The following CNIH3 variants were observed in gnomAD, a reference collection of about 807,000 sequenced individuals.
CNIH3 encodes protein cornichon homolog 3.
CNIH3 carries 14 observed loss-of-function variants against 24.1 expected under a neutral mutation model. The ratio of observed to expected loss-of-function variants is 0.58; its 90% CI spans 0.38 to 0.91. The LOEUF (loss-of-function observed/expected upper bound fraction) is 0.91. Among genes scored for constraint, CNIH3 ranks in the 40% least tolerant of loss-of-function variants. CNIH3 has a pLI of 0.00. For missense variants in CNIH3, 178 were observed against 196.8 expected, an observed-to-expected ratio of 0.90 and a Z score of 0.57; for synonymous variants, 68 against 73.8, an observed-to-expected ratio of 0.92 and a Z score of 0.40.
At chr1:224,569,175 CT>C (rs755542449) in intron 4 of CNIH3, among the ~76,000 whole-genome samples, 5 of 152,258 alleles carry the variant, frequency 3.3e-5, no homozygotes, top group Middle Eastern at 3.4e-3. Flanking sequence ...GCCTTGTTCA[CT>C]TTTTTTCTAA....
Position 224,684,073 on chromosome 1 carries a change from G to A in CNIH3, c.151-723G>A, listed in dbSNP as rs1476069938. Among the ~76,000 whole-genome samples, 1 of 152,180 alleles carries A rather than the reference G, an allele frequency of 6.6e-6. No individual in the cohort carries two copies. Among genetic ancestry groups the A allele is most frequent in the East Asian group, 1.9e-4 (1 of 5,188 alleles). ...CAAATTGCCTCAGTAATGAAGCACC[G>A]GGAGATGCCACAGCTGTGTTCAGTG... On this transcript the variant is annotated intron_variant, in intron 2 of 5. Transcript: ENST00000272133. This position sits in a 1 kb window ranked among gnomAD's most constrained non-coding sequence, Gnocchi z 4.2.
chr1:224,731,896 T>C (rs930517212), intron 4 of CNIH3, among the ~76,000 whole-genome samples: 1 of 152,306 alleles, frequency 6.6e-6, no homozygotes, highest in African/African-American at 2.4e-5. Flanking sequence ...GTAGGGTTCT[T>C]GGAGGGAAAT....
chr1:224,726,120 A>G (rs112874693), intron 3 of CNIH3, among the ~76,000 whole-genome samples: 20 of 152,362 alleles, frequency 1.3e-4, no homozygotes, highest in African/African-American at 3.6e-4. Context: ...TGAGCATGGC[A>G]TATACTGCTC....
chr1:224,600,581 T>C (rs1401046693), intron 3 of CNIH3, among the ~76,000 whole-genome samples: 1 of 152,134 alleles, frequency 6.6e-6, no homozygotes, highest in Non-Finnish European at 1.5e-5. Context: ...ACAATCATAG[T>C]GCACTGCAGC....
At chr1:224,688,588 C>T (rs1686773145) in intron 3 of CNIH3, among the ~76,000 whole-genome samples, 1 of 152,166 alleles carries the variant, frequency 6.6e-6, no homozygotes, top group Non-Finnish European at 1.5e-5. Flanking sequence ...AGTCAATAAT[C>T]TTTCCATTTC....
rs550609835 is a variant in CNIH3 at position 224,601,127 on chromosome 1, C to T, written n.402+34863C>T. ...AAAGTACACTTGGAAGAGGCCCAAG[C>T]GAACAACTTGAGAGATTCAAGTGCG... On this transcript the variant is annotated intron_variant and non_coding_transcript_variant, in intron 3 of 7. Transcript: ENST00000478120. Among the ~76,000 whole-genome samples the T allele has an allele frequency of 3.4e-4, 52 of 152,288 alleles. 1 individual carries two copies. Among genetic ancestry groups the T allele is most frequent in the Admixed American group, 3.3e-3 (50 of 15,296 alleles).
At chr1:224,592,797 G>A (rs1331027090), downstream of CNIH3, among the ~76,000 whole-genome samples, 4 of 152,180 alleles carry the variant, frequency 2.6e-5, no homozygotes, top group African/African-American at 9.7e-5. Flanking sequence ...CACAGGTTCT[G>A]AGTAGGACGA....
At chr1:224,575,093 G>A (rs762110614) in intron 4 of CNIH3, 1 of 878,354 alleles carries the variant, frequency 1.1e-6, no homozygotes, top group African/African-American at 1.6e-5. Context: ...CCCCCGACAG[G>A]CCCTGGGCCA....
intron 2 of CNIH3, among the ~76,000 whole-genome samples, chr1:224,681,915 G>A (rs917904717): frequency 3.9e-5 from 6 of 152,112 alleles, no homozygotes; most frequent in African/African-American, 1.4e-4. Context: ...TTCCTTCCAG[G>A]CCATGGTTTC....
intron 1 of CNIH3, among the ~76,000 whole-genome samples, chr1:224,492,314 T>C (rs985504684): frequency 7.2e-5 from 11 of 152,240 alleles, no homozygotes; most frequent in African/African-American, 2.7e-4. Flanking sequence ...GTGTAGGCAT[T>C]CCTCCCCAAC....
chr1:224,554,898 C>T (rs567109449), intron 3 of CNIH3, among the ~76,000 whole-genome samples: 1 of 152,292 alleles, frequency 6.6e-6, no homozygotes, highest in African/African-American at 2.4e-5. Flanking sequence ...AGTATAACAA[C>T]TACTTACATA....
At chr1:224,632,654 T>A (rs2125080514) in intron 1 of CNIH3, among the ~76,000 whole-genome samples, 1 of 152,076 alleles carries the variant, frequency 6.6e-6, no homozygotes, top group Admixed American at 6.5e-5. Flanking sequence ...TCATGTGAAA[T>A]CATCTGGAGC....
rs561611549 is a variant in CNIH3 at position 224,601,160 on chromosome 1, AC to A, written n.402+34898del. Among the ~76,000 whole-genome samples the A allele has an allele frequency of 2.8e-4, 43 of 152,196 alleles. 1 individual carries two copies. In the South Asian group the frequency reaches 7.7e-3, roughly 27 times the overall value. ...TTGAGAGATTCAAGTGCGCTGTTTG[AC>A]CTTTGACTTGGGGTTCTATACGCTG... On this transcript the variant is annotated intron_variant and non_coding_transcript_variant, in intron 3 of 7. Coordinates refer to the CNIH3 transcript ENST00000478120.
At chr1:224,573,833 A>G (rs1253413415) in intron 4 of CNIH3, among the ~76,000 whole-genome samples, 1 of 152,186 alleles carries the variant, frequency 6.6e-6, no homozygotes, top group African/African-American at 2.4e-5. Flanking sequence ...GTTCTTATTA[A>G]CTAGGAAGGT....
chr1:224,628,233 T>C lies in CNIH3; in HGVS notation c.81+10978T>C, dbSNP rs151318202. On this transcript the variant is annotated intron_variant, in intron 1 of 5. Coordinates refer to ENST00000272133, the MANE Select transcript of CNIH3 (RefSeq NM_152495.2). ...TCTCACCCTACCCTGCAGTTTCTAC[T>C]TGGGGCTCAGTCTGGCTCCCTTAAC... 6.2e-3 allele frequency among the ~76,000 whole-genome samples: 940 copies of C among 152,278 alleles called. 15 individuals carry two copies. Among genetic ancestry groups the C allele is most frequent in the African/African-American group, 0.022 (897 of 41,586 alleles).
upstream of CNIH3, among the ~76,000 whole-genome samples, chr1:224,614,008 A>G (rs146364491): frequency 4.7e-4 from 72 of 152,144 alleles, no homozygotes; most frequent in African/African-American, 1.7e-3. Context: ...CCCTGCAAGA[A>G]GCTGGGACTA....
chr1:224,723,243 A>G (rs942158147), intron 3 of CNIH3, among the ~76,000 whole-genome samples: 1 of 152,188 alleles, frequency 6.6e-6, no homozygotes, highest in Non-Finnish European at 1.5e-5. Context: ...TGTGTCAGGC[A>G]CAGCTAAGTC....
Position 224,530,580 on chromosome 1 carries a change from A to G in CNIH3, n.344-6356A>G, listed in dbSNP as rs538636684. Reference sequence around the variant, plus strand: ...TCAAGATGCTGAGCTGGAATTTTAAACCCTACATTTCTTTTTTTTTTCTTT... The same window carrying G: ...TCAAGATGCTGAGCTGGAATTTTAAGCCCTACATTTCTTTTTTTTTTCTTT... On this transcript the variant is annotated intron_variant and non_coding_transcript_variant, in intron 2 of 2. Coordinates refer to the CNIH3 transcript ENST00000470602. Among the ~76,000 whole-genome samples, 96 of 151,762 alleles carry G rather than the reference A, an allele frequency of 6.3e-4. 1 individual carries two copies. Among genetic ancestry groups the G allele is most frequent in the African/African-American group, 2.2e-3 (92 of 41,410 alleles).
At chr1:224,531,300 A>C (rs1679060744) in intron 2 of CNIH3, among the ~76,000 whole-genome samples, 2 of 152,290 alleles carry the variant, frequency 1.3e-5, no homozygotes, top group African/African-American at 4.8e-5. Context: ...AACTCCATGG[A>C]GCCTGGAACT....
Sources: gnomAD v4.1 joint callset for allele counts (sites outside exome capture counted in the v4.1 genomes callset) on GRCh38, gnomAD v4.1.1 for gene constraint, Gnocchi (gnomAD v3.1) non-coding constraint, MANE v1.5 for transcripts, NCBI Gene and HGNC (gene_info 2026-07-23, HGNC 2026-07-21) for gene names.